TAS2R1: variants seen among roughly 807,000 people sequenced by gnomAD.
The protein encoded by TAS2R1 is taste receptor type 2 member 1.
For missense variants in TAS2R1, 370 were observed against 353.4 expected (o/e 1.05, Z -0.38); for synonymous variants, 141 against 134.2 (o/e 1.05, Z -0.35).
chr5:9,825,824 AT>A, the TAS2R1 span, among the ~76,000 whole-genome samples: 1 of 152,000 alleles, frequency 6.6e-6, no homozygotes, highest in Non-Finnish European at 1.5e-5. Flanking sequence ...GCTTAATCCT[AT>A]TTTTTTTGTA....
the TAS2R1 span, among the ~76,000 whole-genome samples, chr5:9,744,316 G>T: frequency 6.6e-6 from 1 of 152,130 alleles, no homozygotes; most frequent in Non-Finnish European, 1.5e-5. Context: ...TTGGGCCGGT[G>T]GGTCATAGGT....
the TAS2R1 span, among the ~76,000 whole-genome samples, chr5:9,848,320 T>G: frequency 1.3e-5 from 2 of 152,264 alleles, no homozygotes; most frequent in Non-Finnish European, 2.9e-5. Context: ...TGAAGGTTAA[T>G]TAATCTAGCT....
chr5:9,872,176 A>G, the TAS2R1 span, among the ~76,000 whole-genome samples: 1 of 152,236 alleles, frequency 6.6e-6, no homozygotes, highest in African/African-American at 2.4e-5. Flanking sequence ...AAAGCAAAAT[A>G]TTATCTGCAA....
At chr5:9,654,322 G>T (rs1740367048) in intron 2 of TAS2R1, among the ~76,000 whole-genome samples, 1 of 151,852 alleles carries the variant, frequency 6.6e-6, no homozygotes, top group African/African-American at 2.4e-5. Context: ...TATTTTCTTG[G>T]GCAAAAATTT....
chr5:9,814,700 G>A, the TAS2R1 span, among the ~76,000 whole-genome samples: 3 of 152,060 alleles, frequency 2.0e-5, no homozygotes, highest in African/African-American at 7.2e-5. Context: ...CCTAATTTTG[G>A]TGACTCAGTG....
chr5:9,635,857 A>G (rs1260369288), intron 2 of TAS2R1, among the ~76,000 whole-genome samples: 1 of 152,008 alleles, frequency 6.6e-6, no homozygotes, highest in Non-Finnish European at 1.5e-5. Context: ...CTAATGGTCT[A>G]TCAATTTTGT....
chr5:9,723,050 T>C, the TAS2R1 span, among the ~76,000 whole-genome samples: 1 of 152,240 alleles, frequency 6.6e-6, no homozygotes. Flanking sequence ...GAAAGCAGGA[T>C]GGAGATGGAG....
At chr5:9,893,454 T>C in the TAS2R1 span, among the ~76,000 whole-genome samples, 1 of 152,194 alleles carries the variant, frequency 6.6e-6, no homozygotes, top group East Asian at 1.9e-4. Context: ...AGATGGTTGT[T>C]GGTCTTAAAT....
intron 1 of TAS2R1, among the ~76,000 whole-genome samples, chr5:9,706,294 C>T (rs954972254): frequency 6.6e-5 from 10 of 152,142 alleles, no homozygotes; most frequent in Non-Finnish European, 2.9e-5. Context: ...GAGCCCTGGC[C>T]ATACTCAGAA....
chr5:9,874,821 T>C, the TAS2R1 span, among the ~76,000 whole-genome samples: 2 of 152,154 alleles, frequency 1.3e-5, no homozygotes, highest in African/African-American at 2.4e-5. Flanking sequence ...AGAAAGATCT[T>C]TGTAGACCAC....
At chr5:9,688,552 T>C (rs1225096473) in intron 1 of TAS2R1, among the ~76,000 whole-genome samples, 2 of 152,138 alleles carry the variant, frequency 1.3e-5, no homozygotes, top group Non-Finnish European at 2.9e-5. Flanking sequence ...GGCCGGATAA[T>C]GCAGCTCTGT....
intron 1 of TAS2R1, among the ~76,000 whole-genome samples, chr5:9,707,243 A>G (rs1741636204): frequency 6.6e-6 from 1 of 152,156 alleles, no homozygotes; most frequent in Non-Finnish European, 1.5e-5. Flanking sequence ...AGGCAGGAAG[A>G]TGGGAACAAA....
At chr5:9,835,045 T>C in the TAS2R1 span, among the ~76,000 whole-genome samples, 16,174 of 152,194 alleles carry the variant, frequency 0.11, 947 homozygotes, top group Non-Finnish European at 0.13. Flanking sequence ...TGCCGACCCC[T>C]AGGGGCACGG....
At chr5:9,825,833 G>A in the TAS2R1 span, among the ~76,000 whole-genome samples, 1 of 152,032 alleles carries the variant, frequency 6.6e-6, no homozygotes, top group African/African-American at 2.4e-5. Context: ...TATTTTTTTT[G>A]TATATTCATC....
intron 1 of TAS2R1, among the ~76,000 whole-genome samples, chr5:9,676,805 G>A (rs1174288845): frequency 2.0e-5 from 3 of 152,060 alleles, no homozygotes. Flanking sequence ...AACAGTTTTG[G>A]TGGGAGTATA....
At chr5:9,803,833 A>G in the TAS2R1 span, among the ~76,000 whole-genome samples, 1 of 152,142 alleles carries the variant, frequency 6.6e-6, no homozygotes, top group Non-Finnish European at 1.5e-5. Context: ...TAACACAATG[A>G]AAAAAAGGTA....
At chr5:9,867,888 C>T in the TAS2R1 span, among the ~76,000 whole-genome samples, 2 of 152,246 alleles carry the variant, frequency 1.3e-5, no homozygotes, top group East Asian at 3.9e-4. Context: ...GAGAAATTGG[C>T]AAAAACAAAG....
At chr5:9,663,241 T>C (rs1408389038) in intron 1 of TAS2R1, among the ~76,000 whole-genome samples, 1 of 152,176 alleles carries the variant, frequency 6.6e-6, no homozygotes, top group Non-Finnish European at 1.5e-5. Flanking sequence ...AATGACAAGA[T>C]AAATAATACT....
At chr5:9,872,555 C>T in the TAS2R1 span, among the ~76,000 whole-genome samples, 1 of 152,146 alleles carries the variant, frequency 6.6e-6, no homozygotes, top group African/African-American at 2.4e-5. Flanking sequence ...TCCAAACAGC[C>T]CTCACACCTT....
Sources: allele counts gnomAD v4.1 joint callset (sites outside exome capture counted in the v4.1 genomes callset), GRCh38; gene constraint gnomAD v4.1.1; transcripts MANE v1.5; gene names NCBI Gene and HGNC (gene_info 2026-07-23, HGNC 2026-07-21).